LMOD3: variants seen among roughly 807,000 people sequenced by gnomAD.
The protein encoded by LMOD3 is leiomodin 3.
LMOD3 carries 31 observed loss-of-function variants against 41.8 expected under a neutral mutation model. That is an observed-to-expected ratio of 0.74 (90% CI 0.56 to 1.00). The LOEUF (loss-of-function observed/expected upper bound fraction) is 1.00. LMOD3 is among the 50% of genes least tolerant of loss of function. The probability of loss-of-function intolerance (pLI) is 0.00; values close to 1 mark genes in which losing one functional copy is unlikely to be tolerated. For missense variants in LMOD3, 755 were observed against 679.5 expected (o/e 1.11, Z -1.23); for synonymous variants, 292 against 241.9 (o/e 1.21, Z -1.92).
rs976334624 is a variant in LMOD3, at chr3:69,106,373, G to T, written c.*2722C>A. On this transcript the variant is annotated 3_prime_UTR_variant, in exon 3 of 3. Coordinates refer to ENST00000420581, the MANE Select transcript of LMOD3 (RefSeq NM_198271.5). ...GAAACTAATAAAAAAAAAGATACCT[G>T]TAATTACTAATGGCCAGTAGTCAAT... is the stretch of plus-strand genomic sequence containing the variant. Among the ~76,000 whole-genome samples, 1 of 152,056 alleles carries T rather than the reference G, an allele frequency of 6.6e-6. No individual in the cohort carries two copies. The highest frequency in any genetic ancestry group is 2.4e-5 in the African/African-American group (1 of 41,404).
At chr3:69,117,833 G>GT (rs374336943) in intron 2 of LMOD3, among the ~76,000 whole-genome samples, 7,757 of 132,118 alleles carry the variant, frequency 0.059, 400 homozygotes, top group African/African-American at 0.14. Flanking sequence ...AATTTGGGTG[G>GT]TTTTTTTTTT....
At chr3:69,113,417 A>G (rs1344126770) in intron 2 of LMOD3, among the ~76,000 whole-genome samples, 1 of 152,220 alleles carries the variant, frequency 6.6e-6, no homozygotes, top group Non-Finnish European at 1.5e-5. Context: ...AATCTAGAGA[A>G]TCTGGCTAAA....
Position 69,119,297 on chromosome 3 carries a change from C to A in LMOD3, c.1058G>T (p.Gly353Val). Residue 353 changes from glycine (G) to valine (V), a missense_variant, in exon 2 of 3, where the codon GGT (glycine) becomes GTT (valine). Physicochemically the swap from Gly to Val is moderately radical, Grantham distance 109 (BLOSUM62 -3). Transcript: ENST00000420581. ...GGCTATTTCCATTTCAGCATGGTGA[C>A]CCAACATGTGCCTCTGATTGTGAAA... ...LRFHNQRHML[G>V]HHAEMEIARL... 4 of 1,613,974 alleles carry A rather than the reference C, an allele frequency of 2.5e-6. No homozygotes were observed. Among genetic ancestry groups the A allele is most frequent in the Non-Finnish European group, 2.5e-6 (3 of 1,179,880 alleles).
chr3:69,121,236 A>T (rs994238900), intron 1 of LMOD3, among the ~76,000 whole-genome samples: 1 of 152,206 alleles, frequency 6.6e-6, no homozygotes. Context: ...CTCTAACCTG[A>T]TCAATCCAGC....
chr3:69,122,513 A>ATT lies in LMOD3; in HGVS notation c.-129_-128dup, dbSNP rs5849875. On this transcript the variant is annotated 5_prime_UTR_variant, in exon 1 of 3. Transcript: ENST00000420581. Reference sequence around the variant, plus strand: ...TCCCAAGTTAACACACCCTTGAGATATTTTTTTTTTTTTCCCAGGAACCTC... The same window carrying ATT: ...TCCCAAGTTAACACACCCTTGAGATATTTTTTTTTTTTTTTCCCAGGAACCTC... 1.4e-4 allele frequency: 85 copies of ATT among 609,196 alleles called. No individual in the cohort carries two copies. Among genetic ancestry groups the ATT allele is most frequent in the Non-Finnish European group, 1.7e-4 (63 of 371,928 alleles). 37.7% of individuals were successfully genotyped at this position (609,196 alleles called of 1,614,324 possible). A position where few individuals can be genotyped will look rare whatever the true frequency, so the allele number is the denominator to read the frequency against.
intron 2 of LMOD3, 35 bp downstream of exon 2, chr3:69,118,664 G>T (rs775324402): frequency 2.0e-5 from 31 of 1,582,230 alleles, no homozygotes; most frequent in Non-Finnish European, 2.6e-5. Flanking sequence ...ACTATGGAGG[G>T]TGCTCAGTCA....
intron 1 of LMOD3, among the ~76,000 whole-genome samples, chr3:69,121,752 A>T (rs114155521): frequency 1.5e-3 from 221 of 152,348 alleles, no homozygotes; most frequent in African/African-American, 5.2e-3. Flanking sequence ...AGGGGCCTGC[A>T]ATAAAAAAGA....
chr3:69,109,634 T>G (rs894880641), intron 2 of LMOD3, among the ~76,000 whole-genome samples: 5 of 151,056 alleles, frequency 3.3e-5, no homozygotes, highest in African/African-American at 1.2e-4. Flanking sequence ...TTCAAGCGAT[T>G]CTCCTGCCTC....
chr3:69,112,535 C>T (rs778773128), intron 2 of LMOD3, among the ~76,000 whole-genome samples: 4 of 152,080 alleles, frequency 2.6e-5, no homozygotes, highest in African/African-American at 4.8e-5. Context: ...GTACCCCTAA[C>T]GTTTTTTTGT....
rs1189023094 is a variant in LMOD3 at position 69,108,137 on chromosome 3, A to C, written c.*958T>G. ...GCAATGGAGTGCCTTAAAGAATAGG[A>C]TAAGTAGTTCAAGTTTAATCCTTCC... On this transcript the variant is annotated 3_prime_UTR_variant, in exon 3 of 3. Transcript: ENST00000420581. The C allele has an allele frequency of 6.6e-6, 1 of 151,232 alleles. No homozygotes were observed. The highest frequency in any genetic ancestry group is 1.5e-5 in the Non-Finnish European group (1 of 68,030). 9.4% of individuals were successfully genotyped at this position (151,232 alleles called of 1,614,324 possible).
At position 69,119,213 on chromosome 3, in the gene LMOD3, C is replaced by A; in HGVS notation, c.1142G>T (p.Gly381Val). 6.2e-7 allele frequency: 1 copy of A among 1,613,932 alleles called. No individual in the cohort carries two copies. The highest frequency in any genetic ancestry group is 1.1e-5 in the South Asian group (1 of 91,076). ...LKMGYHFELP[G>V]PRMVVTNLLT... ...CAGATTAGTGACCACCATTCTGGGA[C>A]CCGGAAGCTCAAAATGGTAGCCCAT... The change falls in exon 2 of 3, where the codon GGT becomes GTT. Residue 381 changes from glycine to valine, a missense_variant. Transcript: ENST00000420581.
In LMOD3 at chr3:69,106,113, G is replaced by C. The variant is rs985188050; in HGVS notation, c.*2982C>G. ...ATGCACATCTGTCTTAAATACCTGA[G>C]AAACTTGGCGACGACCCTATAAACA... is the stretch of plus-strand genomic sequence containing the variant. On this transcript the variant is annotated 3_prime_UTR_variant, in exon 3 of 3. Coordinates refer to ENST00000420581, the MANE Select transcript of LMOD3 (RefSeq NM_198271.5). The C allele has an allele frequency of 3.6e-4, 55 of 152,272 alleles. No individual in the cohort carries two copies. The highest frequency in any genetic ancestry group is 1.1e-3 in the African/African-American group (46 of 41,546). The allele number at this position is 152,272 out of a possible 1,614,324, so 9.4% of individuals were successfully genotyped here.
chr3:69,110,203 A>C (rs2092341934), intron 2 of LMOD3, among the ~76,000 whole-genome samples: 1 of 151,928 alleles, frequency 6.6e-6, no homozygotes, highest in South Asian at 2.1e-4. Context: ...TGAACAACAA[A>C]GTGAGACCCA....
chr3:69,113,132 G>A (rs1205691165), intron 2 of LMOD3, among the ~76,000 whole-genome samples: 6 of 152,110 alleles, frequency 3.9e-5, no homozygotes, highest in Admixed American at 3.9e-4. Flanking sequence ...GGGAGGAGGG[G>A]TCGAAGGAAG....
At position 69,109,033 on chromosome 3, in the gene LMOD3, C is replaced by CA; in HGVS notation, c.*61dup. 2 of 1,392,342 alleles carry CA rather than the reference C, an allele frequency of 1.4e-6. No individual in the cohort carries two copies. Among genetic ancestry groups the CA allele is most frequent in the Admixed American group, 3.9e-5 (2 of 51,448 alleles). The allele number at this position is 1,392,342 out of a possible 1,614,324, so 86.2% of individuals were successfully genotyped here. Reference sequence around the variant, plus strand: ...AAAGTATTGCTGCTGACATAGTCTCCATGCTGTAATCCAAGAGTCACTATT... The same window carrying CA: ...AAAGTATTGCTGCTGACATAGTCTCCAATGCTGTAATCCAAGAGTCACTATT... On this transcript the variant is annotated 3_prime_UTR_variant, in exon 3 of 3. Transcript: ENST00000420581.
chr3:69,111,583 T>A (rs1246830468), intron 2 of LMOD3, among the ~76,000 whole-genome samples: 1 of 152,230 alleles, frequency 6.6e-6, no homozygotes, highest in Non-Finnish European at 1.5e-5. Context: ...AAAAATTTTT[T>A]AATTATTTAG....
In LMOD3 at chr3:69,119,812, A is replaced by T; in HGVS notation, c.543T>A (p.Ile181=). 3.8e-6 allele frequency: 6 copies of T among 1,595,902 alleles called. No individual in the cohort carries two copies. The highest frequency in any genetic ancestry group is 5.1e-6 in the Non-Finnish European group (6 of 1,169,842). The change falls in exon 2 of 3, where the codon ATT becomes ATA. Residue 181 remains isoleucine (I), a synonymous_variant. Coordinates refer to ENST00000420581, the MANE Select transcript of LMOD3 (RefSeq NM_198271.5). ...REEEGKAKEQ[I]RNCENNCQQV... is the part of the protein sequence containing the mutation. ...GCTGGCAGTTGTTCTCACAATTTCT[A>T]ATTTGTTCCTTTGCTTTGCCTTCCT... is the stretch of plus-strand genomic sequence containing the variant.
chr3:69,108,840 G>A lies in LMOD3; in HGVS notation c.*255C>T, dbSNP rs188468021. On this transcript the variant is annotated 3_prime_UTR_variant, in exon 3 of 3. Transcript: ENST00000420581. ...GGAAATATGACTCTAAATTTCACCT[G>A]AGTCACTCAAATTGATTGCAAGTAG... 1,866 of 369,820 alleles carry A rather than the reference G, an allele frequency of 5.0e-3. 9 individuals are homozygous for A. Among genetic ancestry groups the A allele is most frequent in the Non-Finnish European group, 6.2e-3 (1,285 of 208,570 alleles). The allele number at this position is 369,820 out of a possible 1,614,324, so 22.9% of individuals were successfully genotyped here.
intron 2 of LMOD3, among the ~76,000 whole-genome samples, chr3:69,110,053 T>C (rs568603357): frequency 6.6e-6 from 1 of 152,036 alleles, no homozygotes; most frequent in Non-Finnish European, 1.5e-5. Context: ...CTTTCCTCTT[T>C]GAAGCACACT....
Sources: allele counts gnomAD v4.1 joint callset (sites outside exome capture counted in the v4.1 genomes callset), GRCh38; gene constraint gnomAD v4.1.1; transcripts MANE v1.5; gene names NCBI Gene and HGNC (gene_info 2026-07-23, HGNC 2026-07-21).